Variants in AKAP13 observed in about 807,000 individuals in gnomAD.
AKAP13 encodes the protein A-kinase anchor protein 13.
AKAP13 carries 80 observed loss-of-function variants against 264.5 expected under a neutral mutation model. That is an observed-to-expected ratio of 0.30 (90% CI 0.25 to 0.36). The LOEUF (loss-of-function observed/expected upper bound fraction) is 0.36. Among genes scored for constraint, AKAP13 ranks in the 10% least tolerant of loss-of-function variants. The probability of loss-of-function intolerance (pLI) is 1.00; values close to 1 mark genes in which losing one functional copy is unlikely to be tolerated. For synonymous variants in AKAP13, 1,380 were observed against 1,250.2 expected, an observed-to-expected ratio of 1.10 and a Z score of -2.19; for missense variants, 3,712 against 3,435.2, an observed-to-expected ratio of 1.08 and a Z score of -2.01.
chr15:85,649,742 G>T (rs993240279), intron 10 of AKAP13, among the ~76,000 whole-genome samples: 1 of 152,108 alleles, frequency 6.6e-6, no homozygotes, highest in African/African-American at 2.4e-5. Flanking sequence ...GGTTCCTAAG[G>T]TCTTTAATCA....
chr15:85,591,311 G>A lies in AKAP13; in HGVS notation c.4161+5488G>A, dbSNP rs558463236. Among the ~76,000 whole-genome samples the A allele has an allele frequency of 1.1e-4, 17 of 152,186 alleles. No individual in the cohort carries two copies. In the East Asian group the frequency reaches 1.5e-3, roughly 14 times the overall value. Reference sequence around the variant, plus strand: ...CACTTGGTTTAGGATGGGTTTTTGCGTTTTAAACAAGCATCCCTGAATGAT... The same window carrying A: ...CACTTGGTTTAGGATGGGTTTTTGCATTTTAAACAAGCATCCCTGAATGAT... On this transcript the variant is annotated intron_variant, in intron 8 of 36. Transcript: ENST00000394518.
At chr15:85,742,836 G>A (rs939165384) in intron 35 of AKAP13, among the ~76,000 whole-genome samples, 5 of 152,238 alleles carry the variant, frequency 3.3e-5, no homozygotes, top group African/African-American at 1.2e-4. Flanking sequence ...CAGCTTCCAG[G>A]GTAGGGGGCA....
chr15:85,645,928 G>A lies in AKAP13; in HGVS notation c.4348G>A (p.Asp1450Asn), dbSNP rs1413180183. Reference sequence around the variant, plus strand: ...TGACCTCTTTCACTCACCCAGTGATGACATGGACAGCATCATCTTCCCAAA... The same window carrying A: ...TGACCTCTTTCACTCACCCAGTGATAACATGGACAGCATCATCTTCCCAAA... ...DSDLFHSPSD[D>N]MDSIIFPKPE... Residue 1450 changes from aspartate to asparagine, a missense_variant, in exon 10 of 37, where the codon GAC (aspartate) becomes AAC (asparagine). Physicochemically the swap from Asp to Asn is conservative, Grantham distance 23. Transcript: ENST00000394518. The A allele has an allele frequency of 1.9e-6, 3 of 1,613,670 alleles. No homozygotes were observed. Among genetic ancestry groups the A allele is most frequent in the East Asian group, 4.5e-5 (2 of 44,890 alleles).
rs375805379 is a variant in AKAP13, at chr15:85,642,389, T to A, written c.4237+2940T>A. On this transcript the variant is annotated intron_variant, in intron 9 of 36. Coordinates refer to ENST00000394518, the MANE Select transcript of AKAP13 (RefSeq NM_007200.5). The stretch of plus-strand genomic sequence containing the variant: ...CAGTCTAACTAAAAAACCAGAGCTC[T>A]TTACTCTTGTTTACACTTAGATATG... 1.9e-4 allele frequency among the ~76,000 whole-genome samples: 29 copies of A among 152,338 alleles called. No individual in the cohort carries two copies. The East Asian group carries it at 5.0e-3, about 26-fold the overall frequency.
rs117444212 is a variant in AKAP13, at chr15:85,538,107, T to C, written c.478+4227T>C. On this transcript the variant is annotated intron_variant, in intron 4 of 36. Transcript: ENST00000394518. ...TTCTCAGCTCGGTGGTTAGTGAAAA[T>C]GGTAAGCTAGGGGGGTGTTTTCCCT... Among the ~76,000 whole-genome samples the C allele has an allele frequency of 7.9e-3, 1,207 of 152,002 alleles. 19 individuals carry two copies. The highest frequency in any genetic ancestry group is 0.034 in the Admixed American group (515 of 15,254).
chr15:85,498,203 T>TAG (rs1222254476), intron 2 of AKAP13, among the ~76,000 whole-genome samples: 595 of 14,214 alleles, frequency 0.042, 11 homozygotes, highest in Non-Finnish European at 0.11. Flanking sequence ...AAGTGAGATA[T>TAG]ATATATATAT....
rs11452064 is a variant in AKAP13 at position 85,419,935 on chromosome 15, G to GTTTT, written c.-12+39158_-12+39161dup. On this transcript the variant is annotated intron_variant, in intron 1 of 36. Transcript: ENST00000394518. ...GCTTAAGTGTCTGAATCTGACTCTT[G>GTTTT]TTTTTTTTTTTTTTTTTTTTTTTTG... Among the ~76,000 whole-genome samples the GTTTT allele has an allele frequency of 3.2e-3, 253 of 78,000 alleles. 6 individuals are homozygous for GTTTT. Among genetic ancestry groups the GTTTT allele is most frequent in the East Asian group, 6.0e-3 (15 of 2,500 alleles). 51.2% of individuals were successfully genotyped at this position (78,000 alleles called of 152,430 possible). A position where few individuals can be genotyped will look rare whatever the true frequency, so the allele number is the denominator to read the frequency against.
intron 1 of AKAP13, among the ~76,000 whole-genome samples, chr15:85,427,447 T>C (rs1429285674): frequency 3.9e-5 from 6 of 152,226 alleles, no homozygotes; most frequent in Middle Eastern, 3.4e-3. Flanking sequence ...GATAGAGCAC[T>C]TTTATGATGG....
At chr15:85,570,214 G>C (rs537447126) in intron 5 of AKAP13, among the ~76,000 whole-genome samples, 1 of 152,316 alleles carries the variant, frequency 6.6e-6, no homozygotes, top group East Asian at 1.9e-4. Context: ...ACTTTGGGAG[G>C]TAGAGAAGGA....
At chr15:85,592,213 C>G (rs1287563936) in intron 8 of AKAP13, among the ~76,000 whole-genome samples, 1 of 151,836 alleles carries the variant, frequency 6.6e-6, no homozygotes, top group Non-Finnish European at 1.5e-5. Context: ...TGAACTATGT[C>G]CTTTTATTAT....
chr15:85,578,506 C>T (rs1381096977), intron 6 of AKAP13, among the ~76,000 whole-genome samples: 1 of 152,000 alleles, frequency 6.6e-6, no homozygotes, highest in African/African-American at 2.4e-5. Flanking sequence ...CACCACTACG[C>T]CCAGCTAATT....
At chr15:85,404,660 CA>C (rs2071583548) in intron 1 of AKAP13, among the ~76,000 whole-genome samples, 2 of 152,336 alleles carry the variant, frequency 1.3e-5, no homozygotes, top group South Asian at 4.1e-4. Context: ...ATTTCTGGCA[CA>C]CTGTTTCCTA....
chr15:85,466,733 G>A (rs115447196), intron 1 of AKAP13, among the ~76,000 whole-genome samples: 57 of 152,288 alleles, frequency 3.7e-4, no homozygotes, highest in African/African-American at 1.4e-3. Flanking sequence ...ATTGGTGACA[G>A]TGATGACTTG....
intron 1 of AKAP13, among the ~76,000 whole-genome samples, chr15:85,438,684 C>A (rs1434521199): frequency 1.3e-5 from 2 of 150,972 alleles, no homozygotes. Flanking sequence ...ACTATCTGAT[C>A]TTTGACAAAC....
intron 8 of AKAP13, among the ~76,000 whole-genome samples, chr15:85,634,278 A>G (rs1243138065): frequency 6.6e-6 from 1 of 152,222 alleles, no homozygotes; most frequent in African/African-American, 2.4e-5. Flanking sequence ...CTTAGCATAT[A>G]CAGTAAAACT....
At chr15:85,607,838 G>A (rs185087628) in intron 8 of AKAP13, among the ~76,000 whole-genome samples, 1 of 152,336 alleles carries the variant, frequency 6.6e-6, no homozygotes, top group East Asian at 1.9e-4. Context: ...CAAAATACAA[G>A]CTCCAGATAA....
chr15:85,728,284 CACCT>C (rs1402063152), intron 29 of AKAP13, among the ~76,000 whole-genome samples: 1 of 152,172 alleles, frequency 6.6e-6, no homozygotes, highest in East Asian at 1.9e-4. Flanking sequence ...TAAATGTAAG[CACCT>C]AAGGAGTTTG....
chr15:85,562,386 G>A lies in AKAP13; in HGVS notation c.663-12745G>A, dbSNP rs1259853072. Among the ~76,000 whole-genome samples, 8 of 151,230 alleles carry A rather than the reference G, an allele frequency of 5.3e-5. No homozygotes were observed. The East Asian group carries it at 9.8e-4, about 19-fold the overall frequency. On this transcript the variant is annotated intron_variant, in intron 5 of 36. Transcript: ENST00000394518. ...TTGAGACCAGTCTGGCCAACATGGC[G>A]AAACCCCGTCTCTACTAAAAATACA...
chr15:85,617,563 TA>T (rs1386804339), intron 8 of AKAP13, among the ~76,000 whole-genome samples: 1 of 152,150 alleles, frequency 6.6e-6, no homozygotes, highest in African/African-American at 2.4e-5. Context: ...TAATGGTGAT[TA>T]AACCATCTCT....
Sources: gnomAD v4.1 joint callset for allele counts (sites outside exome capture counted in the v4.1 genomes callset) on GRCh38, gnomAD v4.1.1 for gene constraint, MANE v1.5 for transcripts, NCBI Gene and HGNC (gene_info 2026-07-23, HGNC 2026-07-21) for gene names.